The following KCNIP4 variants were observed in gnomAD, a reference collection of about 807,000 sequenced individuals.
The protein encoded by KCNIP4 is potassium voltage-gated channel interacting protein 4, also known as Kv channel-interacting protein 4.
Under a neutral mutation model 34.0 loss-of-function variants are expected in KCNIP4, and 12 were observed. The observed-to-expected ratio is 0.35, with a 90% CI of 0.23 to 0.57. KCNIP4 has a LOEUF of 0.57. Ranked by LOEUF, KCNIP4 falls within the 20% of genes least tolerant of loss-of-function variation. KCNIP4 has a pLI of 0.83. For missense variants in KCNIP4, 238 were observed against 311.7 expected (o/e 0.76, Z 1.78); for synonymous variants, 124 against 102.2 (o/e 1.21, Z -1.29).
chr4:21,550,616 C>A (rs533846702), intron 1 of KCNIP4, among the ~76,000 whole-genome samples: 1 of 152,134 alleles, frequency 6.6e-6, no homozygotes, highest in East Asian at 1.9e-4. Context: ...GATTCTTGTC[C>A]ATTTAACCTC....
chr4:21,062,687 T>C (rs1214751572), intron 1 of KCNIP4, among the ~76,000 whole-genome samples: 1 of 152,114 alleles, frequency 6.6e-6, no homozygotes, highest in African/African-American at 2.4e-5. Context: ...CCTGAAGCCC[T>C]GAGAATCAGC....
At chr4:21,540,988 T>C (rs1737636745) in intron 1 of KCNIP4, among the ~76,000 whole-genome samples, 1 of 151,886 alleles carries the variant, frequency 6.6e-6, no homozygotes, top group South Asian at 2.1e-4. Context: ...CTGTCCAACA[T>C]GGTGAAACAT....
intron 1 of KCNIP4, among the ~76,000 whole-genome samples, chr4:21,132,166 G>A (rs1207640410): frequency 6.6e-6 from 1 of 152,176 alleles, no homozygotes; most frequent in Non-Finnish European, 1.5e-5. Flanking sequence ...CATGCAAAAT[G>A]TTTATCAAGC....
chr4:21,365,653 A>G (rs1205530644), intron 1 of KCNIP4, among the ~76,000 whole-genome samples: 9 of 151,884 alleles, frequency 5.9e-5, no homozygotes, highest in Non-Finnish European at 8.8e-5. Context: ...TTCTTATTCT[A>G]TTTTGTTTTC....
At chr4:21,615,959 C>G (rs1398887994) in intron 1 of KCNIP4, among the ~76,000 whole-genome samples, 1 of 152,184 alleles carries the variant, frequency 6.6e-6, no homozygotes, top group Admixed American at 6.5e-5. Context: ...TATCCATGCC[C>G]TTTATGGTCT....
intron 1 of KCNIP4, among the ~76,000 whole-genome samples, chr4:21,716,605 G>C (rs1314922617): frequency 1.3e-5 from 2 of 152,140 alleles, no homozygotes; most frequent in Non-Finnish European, 2.9e-5. Flanking sequence ...GTAATGAGGA[G>C]TTACTGGGTA....
chr4:21,762,969 A>C (rs780362139), intron 1 of KCNIP4: 301 of 1,288,758 alleles, frequency 2.3e-4, no homozygotes, highest in Non-Finnish European at 2.9e-4. Flanking sequence ...CTCTGGGACC[A>C]CTGGGTGTAA....
intron 1 of KCNIP4, among the ~76,000 whole-genome samples, chr4:21,089,653 C>T (rs1221848941): frequency 3.3e-5 from 5 of 152,202 alleles, no homozygotes; most frequent in African/African-American, 1.2e-4. Flanking sequence ...GCCACAACTT[C>T]CACAACAAAT....
intron 1 of KCNIP4, among the ~76,000 whole-genome samples, chr4:21,313,365 T>C (rs985769881): frequency 6.6e-6 from 1 of 152,222 alleles, no homozygotes; most frequent in Non-Finnish European, 1.5e-5. Context: ...TTGTTTATCC[T>C]ATTATTTTAT....
At chr4:20,943,502 A>ATGTAT (rs1372550590) in intron 1 of KCNIP4, among the ~76,000 whole-genome samples, 2 of 152,230 alleles carry the variant, frequency 1.3e-5, no homozygotes, top group African/African-American at 4.8e-5. Context: ...TTAAATGCTC[A>ATGTAT]TTATATTGCT....
intron 1 of KCNIP4, among the ~76,000 whole-genome samples, chr4:21,661,178 C>A (rs1264724435): frequency 2.0e-5 from 3 of 152,162 alleles, no homozygotes; most frequent in Non-Finnish European, 4.4e-5. Context: ...CATCATCTGT[C>A]CACTCCATCT....
intron 1 of KCNIP4, among the ~76,000 whole-genome samples, chr4:21,059,199 C>G (rs1480064558): frequency 1.3e-5 from 2 of 152,030 alleles, no homozygotes; most frequent in Non-Finnish European, 2.9e-5. Flanking sequence ...ACTCTGACAC[C>G]ACAGAACTCC....
intron 1 of KCNIP4, among the ~76,000 whole-genome samples, chr4:21,467,365 C>T (rs1201380030): frequency 2.0e-5 from 3 of 152,066 alleles, no homozygotes; most frequent in Non-Finnish European, 2.9e-5. Context: ...AAGTTGGAAG[C>T]GGTCTGTTTT....
intron 3 of KCNIP4, among the ~76,000 whole-genome samples, chr4:20,832,570 T>C (rs571698835): frequency 1.3e-3 from 202 of 152,276 alleles, no homozygotes; most frequent in Non-Finnish European, 2.0e-3. Flanking sequence ...CTCATGCAGG[T>C]TTCCTTCAGA....
At chr4:21,306,884 G>A (rs1429672802) in intron 1 of KCNIP4, among the ~76,000 whole-genome samples, 1 of 151,804 alleles carries the variant, frequency 6.6e-6, no homozygotes, top group Admixed American at 6.6e-5. Context: ...GCAATGGTGA[G>A]CGATCTCGGC....
At chr4:21,400,500 T>C (rs13133900) in intron 1 of KCNIP4, among the ~76,000 whole-genome samples, 26,264 of 99,824 alleles carry the variant, frequency 0.26, 3,942 homozygotes, top group African/African-American at 0.33. Context: ...CTCCCCTCCC[T>C]TCCCCTCCCT....
chr4:21,501,297 A>C (rs1733322675), intron 1 of KCNIP4, among the ~76,000 whole-genome samples: 1 of 150,696 alleles, frequency 6.6e-6, no homozygotes, highest in African/African-American at 2.5e-5. Context: ...ACTTGAGCAA[A>C]TCACAGTTCA....
At chr4:21,616,643 C>T (rs1349312439) in intron 1 of KCNIP4, among the ~76,000 whole-genome samples, 1 of 152,240 alleles carries the variant, frequency 6.6e-6, no homozygotes, top group Non-Finnish European at 1.5e-5. Context: ...TCTTTCTAGT[C>T]TCTGTGGTTT....
At chr4:20,999,909 T>G (rs564239645) in intron 1 of KCNIP4, among the ~76,000 whole-genome samples, 1 of 152,272 alleles carries the variant, frequency 6.6e-6, no homozygotes, top group African/African-American at 2.4e-5. Context: ...CGTTGCAACT[T>G]AGAATTTTCT....
Sources: gnomAD v4.1 joint callset for allele counts (sites outside exome capture counted in the v4.1 genomes callset) on GRCh38, gnomAD v4.1.1 for gene constraint, MANE v1.5 for transcripts, NCBI Gene and HGNC (gene_info 2026-07-23, HGNC 2026-07-21) for gene names.